Variants in GABPB1 observed in about 807,000 individuals in gnomAD.
GABPB1 encodes the protein GA-binding protein subunit beta-1.
Under a neutral mutation model 45.9 loss-of-function variants are expected in GABPB1, and 15 were observed. The observed-to-expected ratio is 0.33, with a 90% CI of 0.22 to 0.50. GABPB1 has a LOEUF of 0.50. GABPB1 is among the 20% of genes least tolerant of loss of function. The probability of loss-of-function intolerance (pLI) is 0.98; values close to 1 mark genes in which losing one functional copy is unlikely to be tolerated. For synonymous variants in GABPB1, 143 were observed against 154.4 expected (o/e 0.93, Z 0.55); for missense variants, 252 against 457.5 (o/e 0.55, Z 4.10).
chr15:50,284,303 T>G (rs2046087701), intron 8 of GABPB1, among the ~76,000 whole-genome samples: 1 of 152,234 alleles, frequency 6.6e-6, no homozygotes, highest in African/African-American at 2.4e-5. Flanking sequence ...CTTCCAGGTT[T>G]CTCTGAAATA....
At chr15:50,303,204 C>T (rs1345914846) in intron 3 of GABPB1, 81 bp from the exon 4 acceptor site, 3 of 1,087,354 alleles carry the variant, frequency 2.8e-6, no homozygotes, top group Non-Finnish European at 2.7e-6. Context: ...TAGTTCTGTG[C>T]TTTAAAGCAA....
intron 1 of GABPB1, among the ~76,000 whole-genome samples, chr15:50,344,925 T>A (rs1285055865): frequency 6.6e-6 from 1 of 151,956 alleles, no homozygotes; most frequent in African/African-American, 2.4e-5. Context: ...TTAAAAGAAA[T>A]GGTGAAAGCA....
At chr15:50,336,277 C>T (rs1336304067) in intron 1 of GABPB1, among the ~76,000 whole-genome samples, 1 of 151,102 alleles carries the variant, frequency 6.6e-6, no homozygotes, top group African/African-American at 2.4e-5. Flanking sequence ...CTGCTTGAAC[C>T]CAGGAGGCAG....
At chr15:50,325,615 T>C (rs2047726782) in intron 1 of GABPB1, among the ~76,000 whole-genome samples, 1 of 151,946 alleles carries the variant, frequency 6.6e-6, no homozygotes, top group African/African-American at 2.4e-5. Flanking sequence ...CACTGCAAGC[T>C]CCGCCTCCGG....
At chr15:50,343,683 C>T (rs1005477154) in intron 1 of GABPB1, among the ~76,000 whole-genome samples, 10 of 152,090 alleles carry the variant, frequency 6.6e-5, no homozygotes, top group Admixed American at 5.9e-4. Flanking sequence ...GGACTACAGG[C>T]ACACACCACC....
At chr15:50,333,360 G>A (rs1317976364) in intron 1 of GABPB1, among the ~76,000 whole-genome samples, 1 of 152,156 alleles carries the variant, frequency 6.6e-6, no homozygotes, top group African/African-American at 2.4e-5. Context: ...GTACTCAGGA[G>A]GCTGAGGTGG....
rs565194094 is a variant in GABPB1, at chr15:50,280,296, A to T, written c.1000-1512T>A. On this transcript the variant is annotated intron_variant, in intron 8 of 8. Transcript: ENST00000380877. ...AACAAGTCAGAAAAGACAACCTAGG[A>T]TGAGTCCAAGGTAAGCAATCAATGC... Among the ~76,000 whole-genome samples, 13 of 152,302 alleles carry T rather than the reference A, an allele frequency of 8.5e-5. No homozygotes were observed. The East Asian group carries it at 2.5e-3, about 29-fold the overall frequency.
chr15:50,305,272 T>A (rs531967565), intron 2 of GABPB1, among the ~76,000 whole-genome samples: 2 of 129,818 alleles, frequency 1.5e-5, no homozygotes, highest in South Asian at 5.0e-4. Flanking sequence ...AGGTCCTTAG[T>A]CCTATCTCTC....
chr15:50,323,989 C>T (rs1009389971), intron 1 of GABPB1, among the ~76,000 whole-genome samples: 1 of 152,082 alleles, frequency 6.6e-6, no homozygotes, highest in African/African-American at 2.4e-5. Flanking sequence ...ATTGCTCGAA[C>T]CCTGGAGTTG....
chr15:50,297,337 C>T (rs1323597994), intron 6 of GABPB1, among the ~76,000 whole-genome samples: 1 of 151,900 alleles, frequency 6.6e-6, no homozygotes, highest in Non-Finnish European at 1.5e-5. Context: ...CTCAGCCTCC[C>T]CAGTAGCTGG....
At chr15:50,302,268 A>G (rs1361747730) in intron 4 of GABPB1, among the ~76,000 whole-genome samples, 1 of 152,326 alleles carries the variant, frequency 6.6e-6, no homozygotes, top group African/African-American at 2.4e-5. Flanking sequence ...GCTAATATAT[A>G]TGTTTTTTAA....
chr15:50,281,490 C>T (rs532459911), intron 8 of GABPB1, among the ~76,000 whole-genome samples: 15 of 152,284 alleles, frequency 9.9e-5, no homozygotes, highest in South Asian at 4.1e-4. Context: ...GGATTACAGG[C>T]GTGAGCCACT....
intron 2 of GABPB1, among the ~76,000 whole-genome samples, chr15:50,305,570 A>C (rs572185437): frequency 1.3e-5 from 2 of 152,238 alleles, no homozygotes; most frequent in South Asian, 2.1e-4. Flanking sequence ...AAGATCCTTA[A>C]ACAATCCTTT....
At position 50,278,602 on chromosome 15, in the gene GABPB1, A is replaced by C; in HGVS notation, c.*30T>G. On this transcript the variant is annotated 3_prime_UTR_variant, in exon 9 of 9. Transcript: ENST00000380877. ...CAAGATTGTATTCTTTCTTGACCAA[A>C]AGTAAAATCAAACTACATGTTCATT... The C allele has an allele frequency of 1.2e-6, 2 of 1,600,018 alleles. No individual in the cohort carries two copies. The highest frequency in any genetic ancestry group is 8.5e-7 in the Non-Finnish European group (1 of 1,172,440).
chr15:50,289,873 G>A (rs187976418), intron 6 of GABPB1, among the ~76,000 whole-genome samples: 3 of 151,840 alleles, frequency 2.0e-5, no homozygotes, highest in East Asian at 1.9e-4. Context: ...CTGCACTCAC[G>A]TAATCCTCTT....
At chr15:50,291,776 G>T (rs1212975000) in intron 6 of GABPB1, among the ~76,000 whole-genome samples, 1 of 151,988 alleles carries the variant, frequency 6.6e-6, no homozygotes, top group African/African-American at 2.4e-5. Flanking sequence ...AAATTAGCCA[G>T]GTTTGGTGTT....
chr15:50,305,673 G>A (rs1346705080), intron 2 of GABPB1, among the ~76,000 whole-genome samples: 26 of 152,156 alleles, frequency 1.7e-4, no homozygotes, highest in Admixed American at 1.7e-3. Context: ...AGCCCATTTA[G>A]CAACCAGGAG....
chr15:50,301,358 T>G lies in GABPB1; in HGVS notation c.482A>C (p.Gln161Pro). 1 of 1,608,750 alleles carries G rather than the reference T, an allele frequency of 6.2e-7. No homozygotes were observed. Among genetic ancestry groups the G allele is most frequent in the African/African-American group, 1.3e-5 (1 of 74,830 alleles). ...DLAEILQIAM[Q>P]NQINTNPESP... ...CTCTGGGTTTGTGTTGATTTGGTTC[T>G]GCATAGCAATCTAGGGAAAAAATGA... Residue 161 changes from glutamine (Q) to proline (P), a missense_variant, in exon 5 of 9, where the codon CAG becomes CCG. Physicochemically the swap from Gln to Pro is moderately conservative, Grantham distance 76. This residue lies in a region of GABPB1 where 193 missense variants were observed against 259.9 expected (regional missense o/e 0.74). Transcript: ENST00000380877.
At chr15:50,343,306 T>G (rs1184818489) in intron 1 of GABPB1, among the ~76,000 whole-genome samples, 1 of 151,948 alleles carries the variant, frequency 6.6e-6, no homozygotes, top group Non-Finnish European at 1.5e-5. Flanking sequence ...CCCCATCATC[T>G]CTTCTCAGCT....
Sources: gnomAD v4.1 joint callset for allele counts (sites outside exome capture counted in the v4.1 genomes callset) on GRCh38, gnomAD v4.1.1 for gene constraint, gnomAD v4.1.1 regional missense constraint, MANE v1.5 for transcripts, NCBI Gene and HGNC (gene_info 2026-07-23, HGNC 2026-07-21) for gene names.